The following CUL2 variants were observed in gnomAD, a reference collection of about 807,000 sequenced individuals.
CUL2 encodes the protein cullin 2.
In CUL2, 22 loss-of-function variants were observed where a neutral mutation model predicts 110.2. That is an observed-to-expected ratio of 0.20 (90% CI 0.14 to 0.28). The LOEUF (loss-of-function observed/expected upper bound fraction) is 0.28, where lower values mean the gene tolerates loss of function less well. Ranked by LOEUF, CUL2 falls within the 10% of genes least tolerant of loss-of-function variation. CUL2 has a pLI of 1.00. For synonymous variants in CUL2, 279 were observed against 293.2 expected (o/e 0.95, Z 0.49); for missense variants, 631 against 905.5 (o/e 0.70, Z 3.89).
intron 1 of CUL2, among the ~76,000 whole-genome samples, chr10:35,086,576 C>T (rs1195663475): frequency 6.6e-6 from 1 of 152,038 alleles, no homozygotes; most frequent in Non-Finnish European, 1.5e-5. Context: ...CCTGAGCCAC[C>T]GTACGTGGCC....
chr10:35,124,770 G>C (rs902182510), intron 1 of CUL2, among the ~76,000 whole-genome samples: 13 of 152,190 alleles, frequency 8.5e-5, no homozygotes, highest in African/African-American at 1.2e-4. Flanking sequence ...ATATGGGAAA[G>C]AAATGACATC....
intron 4 of CUL2, among the ~76,000 whole-genome samples, chr10:35,056,302 C>T (rs2086239335): frequency 1.3e-5 from 2 of 152,126 alleles, no homozygotes; most frequent in Admixed American, 6.5e-5. Context: ...CCTGGAAAAG[C>T]AGCCTGCAGC....
At chr10:35,126,250 G>T (rs1025139531) in intron 1 of CUL2, among the ~76,000 whole-genome samples, 4 of 152,214 alleles carry the variant, frequency 2.6e-5, no homozygotes, top group Non-Finnish European at 1.5e-5. Flanking sequence ...AGCGGGCCCA[G>T]CATGCGGACC....
chr10:35,074,350 T>G, intron 1 of CUL2: 2 of 707,322 alleles, frequency 2.8e-6, no homozygotes, highest in Non-Finnish European at 5.0e-6. Context: ...TAGGAACTTC[T>G]CTCTGCTTAG....
chr10:35,057,362 A>ATTTATT (rs2086263046), intron 4 of CUL2, among the ~76,000 whole-genome samples: 2 of 152,212 alleles, frequency 1.3e-5, no homozygotes, highest in Admixed American at 1.3e-4. Flanking sequence ...ACAATGTTTT[A>ATTTATT]AAATAAAGTC....
At position 35,031,759 on chromosome 10, in the gene CUL2, T is replaced by C. The variant is rs2085485600; in HGVS notation, c.1171-140A>G. The C allele has an allele frequency of 1.2e-6, 1 of 807,290 alleles. No individual in the cohort carries two copies. Among genetic ancestry groups the C allele is most frequent in the South Asian group, 1.8e-5 (1 of 56,746 alleles). 50.0% of individuals were successfully genotyped at this position (807,290 alleles called of 1,614,324 possible). A position where few individuals can be genotyped will look rare whatever the true frequency, so the allele number is the denominator to read the frequency against. ...TTTTTAGAGACCGGGTCTTGCTCTG[T>C]TGCCAGGCTGGATTGCAGTGGACAA... On this transcript the variant is annotated intron_variant, in intron 12 of 20. Transcript: ENST00000374749. The surrounding 1 kb of genome is among the most constrained non-coding windows in gnomAD (Gnocchi z 4.4).
intron 6 of CUL2, among the ~76,000 whole-genome samples, chr10:35,047,868 G>A (rs968728730): frequency 2.0e-5 from 3 of 151,554 alleles, no homozygotes; most frequent in African/African-American, 4.9e-5. Flanking sequence ...TCATGTCACC[G>A]CACTCCAGCC....
upstream of CUL2, among the ~76,000 whole-genome samples, chr10:35,092,846 T>C (rs1324311983): frequency 3.3e-5 from 5 of 152,006 alleles, no homozygotes; most frequent in African/African-American, 9.7e-5. Context: ...GCAGCAAGAA[T>C]AGGATTATGG....
chr10:35,090,495 TA>T (rs1241896896), upstream of CUL2: 1 of 139,386 alleles, frequency 7.2e-6, no homozygotes, highest in African/African-American at 2.7e-5. Flanking sequence ...ACAGGGGCGG[TA>T]GGGAGGGGGG....
intron 2 of CUL2, among the ~76,000 whole-genome samples, chr10:35,070,293 T>C (rs887941942): frequency 6.6e-6 from 1 of 152,254 alleles, no homozygotes; most frequent in Non-Finnish European, 1.5e-5. Flanking sequence ...CTTTTCTTAC[T>C]GCCTACTGCA....
chr10:35,116,503 T>C (rs2087604201), intron 1 of CUL2, among the ~76,000 whole-genome samples: 1 of 152,202 alleles, frequency 6.6e-6, no homozygotes, highest in Admixed American at 6.5e-5. Flanking sequence ...TGATGATGTT[T>C]AATTTCACAG....
chr10:35,082,256 A>G (rs1307877552), intron 1 of CUL2, among the ~76,000 whole-genome samples: 1 of 152,240 alleles, frequency 6.6e-6, no homozygotes, highest in Non-Finnish European at 1.5e-5. Flanking sequence ...GACAAGGATT[A>G]ACCTTGAAGA....
chr10:35,031,758 G>A lies in CUL2; in HGVS notation c.1171-139C>T, dbSNP rs2085485502. 1 of 813,832 alleles carries A rather than the reference G, an allele frequency of 1.2e-6. No homozygotes were observed. Among genetic ancestry groups the A allele is most frequent in the Non-Finnish European group, 1.9e-6 (1 of 521,746 alleles). The allele number at this position is 813,832 out of a possible 1,614,324, so 50.4% of individuals were successfully genotyped here. ...TTTTTTAGAGACCGGGTCTTGCTCT[G>A]TTGCCAGGCTGGATTGCAGTGGACA... On this transcript the variant is annotated intron_variant, in intron 12 of 20. Coordinates refer to ENST00000374749, the MANE Select transcript of CUL2 (RefSeq NM_003591.4). The surrounding 1 kb of genome is among the most constrained non-coding windows in gnomAD (Gnocchi z 4.4).
intron 6 of CUL2, 75 bp downstream of exon 6, chr10:35,049,608 C>CA: frequency 1.6e-6 from 2 of 1,217,714 alleles, no homozygotes; most frequent in Non-Finnish European, 1.2e-6. Flanking sequence ...ACTGGCTCTG[C>CA]AATTGTACAC....
chr10:35,088,499 C>CAAAA (rs9299718), intron 1 of CUL2, among the ~76,000 whole-genome samples: 8,938 of 88,200 alleles, frequency 0.1, 702 homozygotes, highest in East Asian at 0.16. Context: ...GACTCCGCCT[C>CAAAA]AAAAAAAAAA....
intron 2 of CUL2, among the ~76,000 whole-genome samples, chr10:35,067,070 C>T (rs914424962): frequency 1.5e-4 from 22 of 145,306 alleles, no homozygotes; most frequent in Admixed American, 9.4e-4. Context: ...AATTGCCTCC[C>T]GGAGGTTGGA....
At chr10:35,124,975 A>G (rs966523193) in intron 1 of CUL2, among the ~76,000 whole-genome samples, 1 of 152,226 alleles carries the variant, frequency 6.6e-6, no homozygotes, top group Non-Finnish European at 1.5e-5. Flanking sequence ...AGGAGCCCCA[A>G]AAGCTAGACA....
intron 2 of CUL2, among the ~76,000 whole-genome samples, chr10:35,096,971 G>A (rs2087308080): frequency 6.6e-6 from 1 of 151,838 alleles, no homozygotes. Context: ...CACCATACTC[G>A]GCTATTTTTT....
At position 35,044,858 on chromosome 10, in the gene CUL2, C is replaced by T. The variant is rs1215298156; in HGVS notation, c.517G>A (p.Gly173Arg). ...ATTACTTTCTGGTTTGGGTCTTCTC[C>T]ACCACGATCACTAAAACAAGGTATA... is the stretch of plus-strand genomic sequence containing the variant. ...LLREIKNDRGGEDPNQKVIHG... is the reference protein window; with the variant it reads ...LLREIKNDRGREDPNQKVIHG... The change falls in exon 7 of 21, where the codon GGA becomes AGA. Residue 173 changes from glycine to arginine, a missense_variant. Around this residue, in one of 3 missense-constraint regions of CUL2, gnomAD observed 338 missense variants for 442.5 expected, o/e 0.76. Transcript: ENST00000374749. 1 of 1,610,682 alleles carries T rather than the reference C, an allele frequency of 6.2e-7. No homozygotes were observed. Among genetic ancestry groups the T allele is most frequent in the East Asian group, 2.2e-5 (1 of 44,720 alleles).
Sources: allele counts gnomAD v4.1 joint callset (sites outside exome capture counted in the v4.1 genomes callset), GRCh38; gene constraint gnomAD v4.1.1; regional missense constraint gnomAD v4.1.1; non-coding constraint Gnocchi (gnomAD v3.1); transcripts MANE v1.5; gene names NCBI Gene and HGNC (gene_info 2026-07-23, HGNC 2026-07-21).